The following SLC13A3 variants were observed in gnomAD, a reference collection of about 807,000 sequenced individuals.
The protein encoded by SLC13A3 is solute carrier family 13 member 3.
In SLC13A3, 40 loss-of-function variants were observed where a neutral mutation model predicts 59.0. The ratio of observed to expected loss-of-function variants is 0.68; its 90% CI spans 0.53 to 0.88. The LOEUF (loss-of-function observed/expected upper bound fraction) is 0.88. Among genes scored for constraint, SLC13A3 ranks in the 40% least tolerant of loss-of-function variants. The pLI is 0.00. For missense variants in SLC13A3, 699 were observed against 783.2 expected, an observed-to-expected ratio of 0.89 and a Z score of 1.28; for synonymous variants, 317 against 330.3, an observed-to-expected ratio of 0.96 and a Z score of 0.44.
At chr20:46,664,383 GC>G (rs760789247) in intron 1 of SLC13A3, among the ~76,000 whole-genome samples, 8 of 152,152 alleles carry the variant, frequency 5.3e-5, no homozygotes, top group Non-Finnish European at 1.0e-4. Flanking sequence ...TATGTTAGAT[GC>G]CTTGTCAATG....
At chr20:46,655,561 T>C (rs2062979906), upstream of SLC13A3, among the ~76,000 whole-genome samples, 1 of 147,598 alleles carries the variant, frequency 6.8e-6, no homozygotes, top group Non-Finnish European at 1.5e-5. Flanking sequence ...AATACAGATA[T>C]ACTACACAAT....
intron 9 of SLC13A3, among the ~76,000 whole-genome samples, chr20:46,578,558 C>T (rs2062101781): frequency 6.6e-6 from 1 of 151,966 alleles, no homozygotes; most frequent in East Asian, 2.0e-4. Flanking sequence ...TGCCTATAAT[C>T]CCAGCTACTT....
At position 46,651,283 on chromosome 20, in the gene SLC13A3, G is replaced by C. The variant is rs532746885; in HGVS notation, c.111+28C>G. ...AAGAGGATCCCGCCTGTGGTTGACC[G>C]GGGGCGCACAGGCGGAGGAGGCGTT... On this transcript the variant is annotated intron_variant, in intron 1 of 12. Coordinates refer to ENST00000279027, the MANE Select transcript of SLC13A3 (RefSeq NM_022829.6). 8 of 1,462,174 alleles carry C rather than the reference G, an allele frequency of 5.5e-6. No homozygotes were observed. In the African/African-American group the frequency reaches 8.8e-5, roughly 16 times the overall value. The allele number at this position is 1,462,174 out of a possible 1,614,324, so 90.6% of individuals were successfully genotyped here.
intron 1 of SLC13A3, among the ~76,000 whole-genome samples, chr20:46,637,186 C>T (rs2062804109): frequency 1.3e-5 from 2 of 152,140 alleles, no homozygotes; most frequent in Admixed American, 1.3e-4. Context: ...GGAGGGGGCG[C>T]AGTTGGGAAA....
chr20:46,563,292 A>G (rs963027233), intron 12 of SLC13A3, 122 bp downstream of exon 12: 42 of 1,151,970 alleles, frequency 3.6e-5, no homozygotes, highest in Non-Finnish European at 4.9e-5. Context: ...TCCCACTCAG[A>G]AAGATCTATT....
At chr20:46,596,125 C>A (rs1262142570) in intron 5 of SLC13A3, 32 bp downstream of exon 5, 2 of 1,592,734 alleles carry the variant, frequency 1.3e-6, no homozygotes, top group Non-Finnish European at 1.7e-6. Flanking sequence ...AGGAGCAGAA[C>A]CCTCCCCGCC....
chr20:46,648,548 C>T (rs1446468194), intron 1 of SLC13A3, among the ~76,000 whole-genome samples: 1 of 151,992 alleles, frequency 6.6e-6, no homozygotes, highest in Non-Finnish European at 1.5e-5. Context: ...AGGGTCCCCA[C>T]AAGGGAACTG....
intron 1 of SLC13A3, among the ~76,000 whole-genome samples, chr20:46,645,432 T>G (rs1389331455): frequency 6.6e-6 from 1 of 152,232 alleles, no homozygotes. Flanking sequence ...CCAAGCTTCA[T>G]GGTGGCAAGA....
At chr20:46,585,303 T>G (rs2146116720) in intron 8 of SLC13A3, 1 of 989,362 alleles carries the variant, frequency 1.0e-6, no homozygotes, top group East Asian at 1.1e-4. Flanking sequence ...CTCATGGTGA[T>G]GATCTCTGGG....
At chr20:46,588,375 C>T (rs1267607376) in intron 7 of SLC13A3, among the ~76,000 whole-genome samples, 2 of 152,060 alleles carry the variant, frequency 1.3e-5, no homozygotes, top group Non-Finnish European at 2.9e-5. Flanking sequence ...TCCACGATCC[C>T]TCAGGATCCT....
At chr20:46,568,964 TCAC>T (rs2062006353) in intron 10 of SLC13A3, among the ~76,000 whole-genome samples, 1 of 152,158 alleles carries the variant, frequency 6.6e-6, no homozygotes, top group Admixed American at 6.5e-5. Context: ...TAAAGGGACT[TCAC>T]CTGCCCTTTC....
intron 1 of SLC13A3, among the ~76,000 whole-genome samples, chr20:46,679,899 C>T (rs546786488): frequency 6.8e-6 from 1 of 146,880 alleles, no homozygotes; most frequent in African/African-American, 2.6e-5. Flanking sequence ...CAGAGTGAGA[C>T]TCTGTCTCAA....
intron 1 of SLC13A3, among the ~76,000 whole-genome samples, chr20:46,662,478 C>T (rs760245775): frequency 2.6e-5 from 4 of 152,116 alleles, no homozygotes; most frequent in Non-Finnish European, 5.9e-5. Flanking sequence ...TCAAGTCTTT[C>T]AAGATTAAAC....
chr20:46,580,184 G>A (rs2062121781), intron 9 of SLC13A3, among the ~76,000 whole-genome samples: 1 of 152,154 alleles, frequency 6.6e-6, no homozygotes, highest in Non-Finnish European at 1.5e-5. Flanking sequence ...TTAGACTCGT[G>A]ACCTCAGGTG....
intron 1 of SLC13A3, among the ~76,000 whole-genome samples, chr20:46,634,862 C>T (rs1169380318): frequency 2.0e-5 from 3 of 152,194 alleles, no homozygotes. Context: ...GTTCCTTCAT[C>T]TCCCATCATG....
chr20:46,659,777 TA>T (rs1034274036), intron 1 of SLC13A3, among the ~76,000 whole-genome samples: 4 of 139,662 alleles, frequency 2.9e-5, no homozygotes, highest in Non-Finnish European at 3.1e-5. Context: ...GGAAATAATG[TA>T]AAAAAATTCC....
chr20:46,655,885 G>A (rs1416797697), upstream of SLC13A3, among the ~76,000 whole-genome samples: 2 of 134,274 alleles, frequency 1.5e-5, no homozygotes, highest in African/African-American at 2.8e-5. Flanking sequence ...ATATTATACT[G>A]TATATAATAT....
At chr20:46,585,488 G>A (rs1258751564) in intron 8 of SLC13A3, 1 of 1,002,986 alleles carries the variant, frequency 1.0e-6, no homozygotes, top group Non-Finnish European at 1.2e-6. Flanking sequence ...TTTTAATAGG[G>A]TTCTAAAAGC....
chr20:46,579,721 G>A (rs906793753), intron 9 of SLC13A3, among the ~76,000 whole-genome samples: 2 of 152,156 alleles, frequency 1.3e-5, no homozygotes, highest in Admixed American at 6.5e-5. Flanking sequence ...ACTGTTGTTG[G>A]CCCACATAGT....
Sources: allele counts gnomAD v4.1 joint callset (sites outside exome capture counted in the v4.1 genomes callset), GRCh38; gene constraint gnomAD v4.1.1; transcripts MANE v1.5; gene names NCBI Gene and HGNC (gene_info 2026-07-23, HGNC 2026-07-21).